The following CRPPA variants were observed in gnomAD, a reference collection of about 807,000 sequenced individuals.
The protein encoded by CRPPA is D-ribitol-5-phosphate cytidylyltransferase.
Under a neutral mutation model 52.0 loss-of-function variants are expected in CRPPA, and 43 were observed. The ratio of observed to expected loss-of-function variants is 0.83; its 90% confidence interval spans 0.65 to 1.07. The LOEUF is 1.07. CRPPA is among the 50% of genes least tolerant of loss of function. The pLI is 0.00. For missense variants in CRPPA, 629 were observed against 551.7 expected, an observed-to-expected ratio of 1.14 and a Z score of -1.40; for synonymous variants, 250 against 203.5, an observed-to-expected ratio of 1.23 and a Z score of -1.94.
intron 9 of CRPPA, among the ~76,000 whole-genome samples, chr7:16,151,085 GTTTC>G (rs1403801684): frequency 6.6e-6 from 1 of 152,110 alleles, no homozygotes; most frequent in Admixed American, 6.5e-5. Context: ...AAATCAAATA[GTTTC>G]TTTGTCAGAA....
intron 9 of CRPPA, among the ~76,000 whole-genome samples, chr7:16,199,368 T>C (rs1487677037): frequency 6.6e-6 from 1 of 152,180 alleles, no homozygotes; most frequent in Non-Finnish European, 1.5e-5. Flanking sequence ...TCTTTAATAG[T>C]AGTTAATGCC....
intron 8 of CRPPA, among the ~76,000 whole-genome samples, chr7:16,240,213 C>A (rs1376023579): frequency 6.7e-6 from 1 of 150,332 alleles, no homozygotes; most frequent in Non-Finnish European, 1.5e-5. Context: ...CCATTCATGA[C>A]TGCAACTAGA....
intron 5 of CRPPA, among the ~76,000 whole-genome samples, chr7:16,286,064 T>TAAAAAAAAAAAA (rs1562608511): frequency 6.7e-5 from 2 of 29,770 alleles, no homozygotes; most frequent in Non-Finnish European, 1.2e-4. Flanking sequence ...TATATATATA[T>TAAAAAAAAAAAA]ATATATATAT....
chr7:16,287,700 T>A (rs1784478975), intron 5 of CRPPA, among the ~76,000 whole-genome samples: 1 of 152,096 alleles, frequency 6.6e-6, no homozygotes, highest in Non-Finnish European at 1.5e-5. Flanking sequence ...AGCGAATGGA[T>A]TGCTTGAGGT....
At chr7:16,267,882 G>A (rs1419356206) in intron 6 of CRPPA, among the ~76,000 whole-genome samples, 1 of 152,010 alleles carries the variant, frequency 6.6e-6, no homozygotes. Context: ...TAACTATATA[G>A]CATTTATATT....
rs530949301 is a variant in CRPPA, at chr7:16,383,722, G to A, written c.535-7481C>T. Among the ~76,000 whole-genome samples the A allele has an allele frequency of 5.9e-5, 9 of 152,310 alleles. No homozygotes were observed. In the East Asian group the frequency reaches 9.7e-4, roughly 16 times the overall value. Reference sequence around the variant, plus strand: ...TGGCAGGCGCCCCTCCCCCAGCCTCGCTGCCACCTTGCAGTTTGATCTCAG... The same window carrying A: ...TGGCAGGCGCCCCTCCCCCAGCCTCACTGCCACCTTGCAGTTTGATCTCAG... On this transcript the variant is annotated intron_variant, in intron 2 of 9. Coordinates refer to ENST00000407010, the MANE Select transcript of CRPPA (RefSeq NM_001101426.4).
chr7:16,147,275 T>C (rs1015749261), intron 9 of CRPPA, among the ~76,000 whole-genome samples: 5 of 152,162 alleles, frequency 3.3e-5, no homozygotes, highest in Non-Finnish European at 5.9e-5. Context: ...TACCCTCACC[T>C]TACCTTTCAA....
At chr7:16,399,060 T>C (rs1006982454) in intron 2 of CRPPA, among the ~76,000 whole-genome samples, 2 of 152,124 alleles carry the variant, frequency 1.3e-5, no homozygotes, top group Non-Finnish European at 2.9e-5. Context: ...CGATTCACAA[T>C]TGGTGCATGA....
chr7:16,211,149 T>C (rs755308394), intron 9 of CRPPA, among the ~76,000 whole-genome samples: 1 of 152,224 alleles, frequency 6.6e-6, no homozygotes, highest in Non-Finnish European at 1.5e-5. Flanking sequence ...GTGTTTAATA[T>C]TGCATTTCAT....
intron 8 of CRPPA, among the ~76,000 whole-genome samples, chr7:16,225,922 TA>T (rs905015848): frequency 1.6e-4 from 25 of 151,754 alleles, no homozygotes; most frequent in Non-Finnish European, 3.4e-4. Context: ...AAAGTAATCT[TA>T]AAAAAACTTT....
At chr7:16,235,118 AACTTGGTAAATTTAT>A (rs1782911502) in intron 8 of CRPPA, among the ~76,000 whole-genome samples, 1 of 152,032 alleles carries the variant, frequency 6.6e-6, no homozygotes, top group Non-Finnish European at 1.5e-5. Context: ...TAAGGAGAGT[AACTTGGTAAATTTAT>A]ACTAGCAAAA....
intron 9 of CRPPA, among the ~76,000 whole-genome samples, chr7:16,176,417 G>A (rs762971434): frequency 6.6e-6 from 1 of 152,096 alleles, no homozygotes; most frequent in Non-Finnish European, 1.5e-5. Context: ...AGGACATAAA[G>A]AGATGTTCAA....
chr7:16,124,107 C>T (rs369742025), intron 9 of CRPPA, among the ~76,000 whole-genome samples: 6 of 133,600 alleles, frequency 4.5e-5, no homozygotes, highest in African/African-American at 8.3e-5. Context: ...CAATTTCTTT[C>T]TTTTTTTATT....
chr7:16,216,581 C>G, intron 8 of CRPPA: 1 of 192,084 alleles, frequency 5.2e-6, no homozygotes, highest in Non-Finnish European at 1.1e-5. Context: ...TCAGTGGGTG[C>G]GCGCACCGTG....
intron 3 of CRPPA, among the ~76,000 whole-genome samples, chr7:16,314,100 T>C (rs1212481603): frequency 2.0e-5 from 3 of 151,728 alleles, no homozygotes; most frequent in Non-Finnish European, 4.4e-5. Flanking sequence ...AGAGGGGTGT[T>C]GAAGTCTCCA....
At chr7:16,215,319 A>T (rs950174116) in intron 9 of CRPPA, among the ~76,000 whole-genome samples, 1 of 152,334 alleles carries the variant, frequency 6.6e-6, no homozygotes, top group Non-Finnish European at 1.5e-5. Flanking sequence ...CACAAATCCA[A>T]TGAAAGCTAT....
At chr7:16,377,916 G>A (rs765866151) in intron 2 of CRPPA, among the ~76,000 whole-genome samples, 1 of 151,908 alleles carries the variant, frequency 6.6e-6, no homozygotes, top group Non-Finnish European at 1.5e-5. Flanking sequence ...CAGAATACTG[G>A]GGCCCTGATC....
At chr7:16,403,212 C>A (rs776344542) in intron 2 of CRPPA, among the ~76,000 whole-genome samples, 1 of 152,006 alleles carries the variant, frequency 6.6e-6, no homozygotes, top group East Asian at 1.9e-4. Context: ...ACAGAAATAA[C>A]CCTGATGGAA....
intron 1 of CRPPA, among the ~76,000 whole-genome samples, chr7:16,420,240 T>G (rs1287540994): frequency 6.6e-6 from 1 of 152,238 alleles, no homozygotes; most frequent in African/African-American, 2.4e-5. Flanking sequence ...CTACCACAGC[T>G]CCCCACTGGC....
Sources: gnomAD v4.1 joint callset for allele counts (sites outside exome capture counted in the v4.1 genomes callset) on GRCh38, gnomAD v4.1.1 for gene constraint, MANE v1.5 for transcripts, NCBI Gene and HGNC (gene_info 2026-07-23, HGNC 2026-07-21) for gene names.